Variants in AKAP6 observed in about 807,000 individuals in gnomAD.
AKAP6 encodes the protein A-kinase anchoring protein 6, also known as A-kinase anchor protein 6.
AKAP6 carries 58 observed loss-of-function variants against 188.5 expected under a neutral mutation model. That is an observed-to-expected ratio of 0.31 (90% CI 0.25 to 0.38). The LOEUF is 0.38. Among genes scored for constraint, AKAP6 ranks in the 10% least tolerant of loss-of-function variants. The probability of loss-of-function intolerance (pLI) is 1.00; values close to 1 mark genes in which losing one functional copy is unlikely to be tolerated. For missense variants in AKAP6, 2,710 were observed against 2,740.0 expected (o/e 0.99, Z 0.24); for synonymous variants, 989 against 998.6 (o/e 0.99, Z 0.18).
chr14:32,338,239 G>T (rs1446176777), intron 1 of AKAP6, among the ~76,000 whole-genome samples: 1 of 151,708 alleles, frequency 6.6e-6, no homozygotes, highest in Non-Finnish European at 1.5e-5. Flanking sequence ...TTTTTCTCTG[G>T]TTCTTAGACC....
chr14:32,447,475 G>T (rs1250851714), intron 2 of AKAP6, among the ~76,000 whole-genome samples: 1 of 152,120 alleles, frequency 6.6e-6, no homozygotes, highest in East Asian at 1.9e-4. Context: ...TAGTGTAATT[G>T]TTCATAGAAG....
chr14:32,808,269 G>A (rs1174006321), intron 12 of AKAP6, among the ~76,000 whole-genome samples: 3 of 152,190 alleles, frequency 2.0e-5, no homozygotes, highest in Admixed American at 6.5e-5. Context: ...GCACATGCAG[G>A]GATGAAGAGA....
At chr14:32,416,797 T>A (rs1477611676) in intron 1 of AKAP6, among the ~76,000 whole-genome samples, 2 of 152,098 alleles carry the variant, frequency 1.3e-5, no homozygotes, top group Non-Finnish European at 2.9e-5. Context: ...TCAAATGATC[T>A]GCCCGCCTCA....
intron 2 of AKAP6, among the ~76,000 whole-genome samples, chr14:32,485,574 CT>C (rs1169699875): frequency 6.6e-6 from 1 of 152,148 alleles, no homozygotes; most frequent in Non-Finnish European, 1.5e-5. Flanking sequence ...TGATGATGAG[CT>C]TTTTTTCATA....
intron 1 of AKAP6, among the ~76,000 whole-genome samples, chr14:32,377,774 T>G (rs1250966200): frequency 2.0e-5 from 3 of 152,202 alleles, no homozygotes; most frequent in Admixed American, 1.3e-4. Context: ...CAATACTTGT[T>G]TAAGAGCCCC....
chr14:32,523,525 G>A (rs1881967305), intron 2 of AKAP6, among the ~76,000 whole-genome samples: 1 of 150,112 alleles, frequency 6.7e-6, no homozygotes, highest in African/African-American at 2.5e-5. Flanking sequence ...CTAGAGTGCA[G>A]TGATGTGATC....
chr14:32,565,930 T>A lies in AKAP6; in HGVS notation c.2347-11190T>A, dbSNP rs145312562. ...CTTACACTTATCTGTCAGGGCTCAATTTCCTGTGATTTCCTCCAGGAAGTC... is the reference window on the plus strand; with the variant it reads ...CTTACACTTATCTGTCAGGGCTCAAATTCCTGTGATTTCCTCCAGGAAGTC... On this transcript the variant is annotated intron_variant, in intron 4 of 13. Transcript: ENST00000280979. 5.0e-3 allele frequency among the ~76,000 whole-genome samples: 764 copies of A among 152,288 alleles called. 5 individuals are homozygous for A. The highest frequency in any genetic ancestry group is 0.013 in the East Asian group (68 of 5,190).
At chr14:32,355,144 T>A (rs1701440403) in intron 1 of AKAP6, among the ~76,000 whole-genome samples, 1 of 152,242 alleles carries the variant, frequency 6.6e-6, no homozygotes, top group Admixed American at 6.5e-5. Flanking sequence ...TCTTTTTACG[T>A]ACCTTAGATG....
At chr14:32,340,649 A>G (rs950641550) in intron 1 of AKAP6, among the ~76,000 whole-genome samples, 1 of 152,178 alleles carries the variant, frequency 6.6e-6, no homozygotes, top group Non-Finnish European at 1.5e-5. Flanking sequence ...ACATATTTTA[A>G]TTTATTATCT....
chr14:32,565,587 G>A (rs1475220985), intron 4 of AKAP6, among the ~76,000 whole-genome samples: 1 of 152,126 alleles, frequency 6.6e-6, no homozygotes, highest in Non-Finnish European at 1.5e-5. Context: ...CTTTCAACTG[G>A]CAATCATTTT....
intron 8 of AKAP6, among the ~76,000 whole-genome samples, chr14:32,685,061 G>A (rs1889849260): frequency 6.7e-6 from 1 of 150,240 alleles, no homozygotes; most frequent in Non-Finnish European, 1.5e-5. Context: ...TTCAAGACCA[G>A]CCTTGGTAAC....
At chr14:32,515,546 A>G (rs547705573) in intron 2 of AKAP6, among the ~76,000 whole-genome samples, 1 of 152,254 alleles carries the variant, frequency 6.6e-6, no homozygotes, top group East Asian at 1.9e-4. Context: ...ACACAAAATA[A>G]AAGAGAAAGA....
At chr14:32,504,741 A>T (rs916755846) in intron 2 of AKAP6, among the ~76,000 whole-genome samples, 1 of 152,144 alleles carries the variant, frequency 6.6e-6, no homozygotes, top group Non-Finnish European at 1.5e-5. Flanking sequence ...TGGTCCCATT[A>T]CCTTTCATTA....
intron 7 of AKAP6, among the ~76,000 whole-genome samples, chr14:32,663,597 G>A (rs1888795933): frequency 6.6e-6 from 1 of 152,082 alleles, no homozygotes; most frequent in South Asian, 2.1e-4. Context: ...AAGATAGGAG[G>A]AGAATTCCAG....
At chr14:32,432,285 T>C (rs1417122953) in intron 1 of AKAP6, among the ~76,000 whole-genome samples, 2 of 152,174 alleles carry the variant, frequency 1.3e-5, no homozygotes, top group African/African-American at 4.8e-5. Context: ...TGCTTATTTA[T>C]TTTAAAGTAT....
intron 12 of AKAP6, among the ~76,000 whole-genome samples, chr14:32,817,113 T>C (rs183880930): frequency 3.3e-5 from 5 of 152,272 alleles, no homozygotes; most frequent in Admixed American, 2.0e-4. Flanking sequence ...TCGAGTTCCT[T>C]TATCTTTACT....
chr14:32,689,228 T>C (rs76752763), intron 8 of AKAP6, among the ~76,000 whole-genome samples: 2,178 of 152,074 alleles, frequency 0.014, 59 homozygotes, highest in African/African-American at 0.05. Context: ...CCTGATAGTG[T>C]AACAGAATCC....
chr14:32,333,678 T>C (rs1005656078), intron 1 of AKAP6, among the ~76,000 whole-genome samples: 2 of 152,160 alleles, frequency 1.3e-5, no homozygotes, highest in African/African-American at 4.8e-5. Flanking sequence ...GATTAGAATC[T>C]TTCTGGATGT....
chr14:32,365,901 G>A (rs1357189987), intron 1 of AKAP6, among the ~76,000 whole-genome samples: 1 of 152,146 alleles, frequency 6.6e-6, no homozygotes, highest in Non-Finnish European at 1.5e-5. Context: ...GGGGACAGGT[G>A]TCCCTGTCCT....
Sources: gnomAD v4.1 joint callset for allele counts (sites outside exome capture counted in the v4.1 genomes callset) on GRCh38, gnomAD v4.1.1 for gene constraint, MANE v1.5 for transcripts, NCBI Gene and HGNC (gene_info 2026-07-23, HGNC 2026-07-21) for gene names.